Variants in ATP2B2 observed in about 807,000 individuals in gnomAD.
ATP2B2 encodes plasma membrane calcium-transporting ATPase 2.
Under a neutral mutation model 120.0 loss-of-function variants are expected in ATP2B2, and 15 were observed. The observed-to-expected ratio is 0.12, with a 90% CI of 0.08 to 0.19. The LOEUF (loss-of-function observed/expected upper bound fraction) is 0.19, where lower values mean the gene tolerates loss of function less well. ATP2B2 is among the 10% of genes least tolerant of loss of function. The pLI is 1.00. For missense variants in ATP2B2, 1,045 were observed against 1,719.8 expected, an observed-to-expected ratio of 0.61 and a Z score of 6.94; for synonymous variants, 694 against 700.3, an observed-to-expected ratio of 0.99 and a Z score of 0.14.
chr3:10,487,165 T>C (rs1015114273), intron 1 of ATP2B2, among the ~76,000 whole-genome samples: 2 of 152,202 alleles, frequency 1.3e-5, no homozygotes, highest in African/African-American at 4.8e-5. Context: ...TAATATGTAC[T>C]GAGCCTGAAA....
intron 12 of ATP2B2, 90 bp from the exon 13 acceptor site, chr3:10,360,213 C>T (rs912175556): frequency 1.3e-6 from 2 of 1,495,200 alleles, no homozygotes; most frequent in African/African-American, 2.8e-5. Flanking sequence ...GGGACTGCCA[C>T]TTAGGTGGTC....
At chr3:10,623,969 T>C (rs535116633) in intron 1 of ATP2B2, among the ~76,000 whole-genome samples, 78 of 152,244 alleles carry the variant, frequency 5.1e-4, no homozygotes, top group African/African-American at 1.8e-3. Context: ...CGAGTTTCCT[T>C]GTCTGTGGAA....
At chr3:10,594,486 A>G (rs182189932) in intron 2 of ATP2B2, among the ~76,000 whole-genome samples, 1 of 147,446 alleles carries the variant, frequency 6.8e-6, no homozygotes, top group African/African-American at 2.5e-5. Flanking sequence ...CAAACATTGC[A>G]TGTTCTCACT....
At chr3:10,443,352 C>T (rs1175840133) in intron 2 of ATP2B2, among the ~76,000 whole-genome samples, 2 of 152,074 alleles carry the variant, frequency 1.3e-5, no homozygotes, top group Admixed American at 6.6e-5. Flanking sequence ...TGGACTGACC[C>T]GTGCCCTCTG....
Position 10,635,662 on chromosome 3 carries a change from G to A in ATP2B2, c.-459-15701C>T, listed in dbSNP as rs567679312. On this transcript the variant is annotated intron_variant, in intron 1 of 21. Transcript: ENST00000646379. The surrounding 1 kb of genome is among the most constrained non-coding windows in gnomAD (Gnocchi z 4.3). ...ACCTCCCAGGTAGCATTTTGCACGC[G>A]ACAAGGACGCAGCATCCTCAGGCCT... 3.3e-5 allele frequency among the ~76,000 whole-genome samples: 5 copies of A among 152,270 alleles called. No individual in the cohort carries two copies. The highest frequency in any genetic ancestry group is 4.1e-4 in the South Asian group (2 of 4,832).
chr3:10,422,752 C>T (rs1412097981), intron 2 of ATP2B2, among the ~76,000 whole-genome samples: 2 of 152,250 alleles, frequency 1.3e-5, no homozygotes, highest in African/African-American at 2.4e-5. Flanking sequence ...AATGTCCATT[C>T]GCTTATGTGC....
At chr3:10,559,857 G>T (rs2067864588) in intron 2 of ATP2B2, among the ~76,000 whole-genome samples, 1 of 152,212 alleles carries the variant, frequency 6.6e-6, no homozygotes, top group Admixed American at 6.5e-5. Context: ...TTTCCAGAGA[G>T]AAAACGATTT....
intron 2 of ATP2B2, among the ~76,000 whole-genome samples, chr3:10,411,577 G>T (rs1467226653): frequency 6.6e-6 from 1 of 152,198 alleles, no homozygotes; most frequent in African/African-American, 2.4e-5. Context: ...CTGAGCCTCA[G>T]TACCCTCTAC....
chr3:10,647,057 TC>T (rs1274235052), intron 1 of ATP2B2, among the ~76,000 whole-genome samples: 15 of 152,232 alleles, frequency 9.9e-5, no homozygotes, highest in African/African-American at 3.6e-4. Context: ...GCAGTGGGGT[TC>T]CAGGGCTTGG....
chr3:10,640,819 G>A (rs1031751110), intron 1 of ATP2B2, among the ~76,000 whole-genome samples: 1 of 152,204 alleles, frequency 6.6e-6, no homozygotes, highest in East Asian at 1.9e-4. Flanking sequence ...TGTTTTGGAG[G>A]AAATGTTGTG....
At chr3:10,496,496 T>TCATGCCCCA in intron 1 of ATP2B2, among the ~76,000 whole-genome samples, 1 of 152,320 alleles carries the variant, frequency 6.6e-6, no homozygotes, top group East Asian at 1.9e-4. Context: ...GGGGCGCAGT[T>TCATGCCCCA]CATGCCCCAC....
chr3:10,632,453 C>T (rs1434822998), intron 1 of ATP2B2, among the ~76,000 whole-genome samples: 1 of 152,212 alleles, frequency 6.6e-6, no homozygotes, highest in Non-Finnish European at 1.5e-5. Flanking sequence ...CAGGAATGTC[C>T]CTACACTGTA....
At chr3:10,562,263 C>T (rs2067919111) in intron 2 of ATP2B2, among the ~76,000 whole-genome samples, 1 of 152,184 alleles carries the variant, frequency 6.6e-6, no homozygotes, top group African/African-American at 2.4e-5. Context: ...GCTCCTCAGG[C>T]TGGCAGGACA....
chr3:10,382,770 T>C (rs1432791833), intron 8 of ATP2B2, among the ~76,000 whole-genome samples: 1 of 152,156 alleles, frequency 6.6e-6, no homozygotes, highest in East Asian at 1.9e-4. Flanking sequence ...ATCATAATGC[T>C]TCCAAGATGA....
At chr3:10,379,765 G>A (rs999758591) in intron 8 of ATP2B2, among the ~76,000 whole-genome samples, 1 of 149,840 alleles carries the variant, frequency 6.7e-6, no homozygotes, top group Admixed American at 6.9e-5. Flanking sequence ...AGGGGAGAGG[G>A]GGAGAGAGAG....
intron 3 of ATP2B2, among the ~76,000 whole-genome samples, chr3:10,515,513 C>G (rs1248374664): frequency 6.6e-6 from 1 of 152,158 alleles, no homozygotes; most frequent in Non-Finnish European, 1.5e-5. Context: ...GTAACCATTT[C>G]CCCTGTGACT....
At chr3:10,374,644 C>A (rs1404694738) in intron 11 of ATP2B2, among the ~76,000 whole-genome samples, 2 of 152,156 alleles carry the variant, frequency 1.3e-5, no homozygotes, top group African/African-American at 2.4e-5. Context: ...AAATGAGACC[C>A]GGGTGTGAGA....
intron 3 of ATP2B2, among the ~76,000 whole-genome samples, chr3:10,520,045 A>G (rs1261788915): frequency 6.6e-6 from 1 of 152,154 alleles, no homozygotes; most frequent in Non-Finnish European, 1.5e-5. Context: ...CTGATCCCTC[A>G]TGGTCACTGG....
intron 2 of ATP2B2, among the ~76,000 whole-genome samples, chr3:10,561,355 T>G (rs1488760040): frequency 6.6e-6 from 1 of 152,190 alleles, no homozygotes; most frequent in Admixed American, 6.5e-5. Flanking sequence ...ATGAGACATG[T>G]GCTATGTTGC....
Sources: allele counts gnomAD v4.1 joint callset (sites outside exome capture counted in the v4.1 genomes callset), GRCh38; gene constraint gnomAD v4.1.1; non-coding constraint Gnocchi (gnomAD v3.1); transcripts MANE v1.5; gene names NCBI Gene and HGNC (gene_info 2026-07-23, HGNC 2026-07-21).